Variants in RALGAPA1 observed in about 807,000 individuals in gnomAD.
The protein encoded by RALGAPA1 is Ral GTPase activating protein catalytic subunit alpha 1.
Under a neutral mutation model 269.6 loss-of-function variants are expected in RALGAPA1, and 52 were observed. The ratio of observed to expected loss-of-function variants is 0.19; its 90% CI spans 0.15 to 0.24. The LOEUF (loss-of-function observed/expected upper bound fraction) is 0.24. RALGAPA1 is among the 10% of genes least tolerant of loss of function. The pLI is 1.00. For missense variants in RALGAPA1, 1,917 were observed against 3,013.9 expected, an observed-to-expected ratio of 0.64 and a Z score of 8.52; for synonymous variants, 817 against 1,008.3, an observed-to-expected ratio of 0.81 and a Z score of 3.60.
intron 37 of RALGAPA1, among the ~76,000 whole-genome samples, chr14:35,589,080 A>C (rs1176852147): frequency 2.6e-5 from 4 of 152,240 alleles, no homozygotes. Context: ...GAGTACAGTA[A>C]GTCCTCACAA....
At chr14:35,785,199 A>T (rs2075711974) in intron 1 of RALGAPA1, among the ~76,000 whole-genome samples, 1 of 152,234 alleles carries the variant, frequency 6.6e-6, no homozygotes, top group Non-Finnish European at 1.5e-5. Context: ...AAAGTGGCTA[A>T]AACAAATATA....
rs368596095 is a variant in RALGAPA1 at position 35,742,523 on chromosome 14, C to T, written c.1294G>A (p.Val432Met). 3.4e-5 allele frequency: 55 copies of T among 1,609,116 alleles called. No individual in the cohort carries two copies. Among genetic ancestry groups the T allele is most frequent in the Non-Finnish European group, 4.6e-5 (54 of 1,176,624 alleles). The change falls in exon 11 of 42, where the codon GTG becomes ATG. Residue 432 changes from valine to methionine, a missense_variant. Val to Met is a conservative substitution (Grantham distance 21, BLOSUM62 1). Transcript: ENST00000680220. ...PICEAAAMRKVVKVYQEWIQQ... is the reference protein window; with the variant it reads ...PICEAAAMRKMVKVYQEWIQQ... ...ATCCATTCTTGATATACTTTTACCA[C>T]TTTTCTCATAGCTGCTGCTTCACAA... is the stretch of plus-strand genomic sequence containing the variant.
At chr14:35,680,310 C>A (rs879917313) in intron 21 of RALGAPA1, among the ~76,000 whole-genome samples, 1 of 152,130 alleles carries the variant, frequency 6.6e-6, no homozygotes, top group Non-Finnish European at 1.5e-5. Flanking sequence ...TGGGTTCAAG[C>A]AATTCTCCTG....
intron 27 of RALGAPA1, among the ~76,000 whole-genome samples, chr14:35,663,733 G>A (rs987176761): frequency 1.3e-5 from 2 of 151,866 alleles, no homozygotes; most frequent in African/African-American, 4.8e-5. Context: ...GGGACTACAC[G>A]CGCCCGCCAC....
chr14:35,797,917 G>A (rs1218349545), intron 1 of RALGAPA1, among the ~76,000 whole-genome samples: 3 of 151,142 alleles, frequency 2.0e-5, no homozygotes, highest in Non-Finnish European at 4.4e-5. Flanking sequence ...CTGTTGTCCA[G>A]GCTAGAGTGC....
At chr14:35,675,535 G>T (rs867896609) in intron 22 of RALGAPA1, among the ~76,000 whole-genome samples, 5 of 152,132 alleles carry the variant, frequency 3.3e-5, no homozygotes, top group Non-Finnish European at 7.3e-5. Context: ...ATTGTATTTT[G>T]CCTACGAATA....
intron 39 of RALGAPA1, among the ~76,000 whole-genome samples, chr14:35,552,321 G>A (rs2055100817): frequency 1.3e-5 from 2 of 152,148 alleles, no homozygotes; most frequent in South Asian, 4.1e-4. Flanking sequence ...ATCTGCAATT[G>A]TAATCATCCA....
rs535485419 is a variant in RALGAPA1 at position 35,802,095 on chromosome 14, G to A, written c.106+6635C>T. Among the ~76,000 whole-genome samples, 33 of 152,314 alleles carry A rather than the reference G, an allele frequency of 2.2e-4. 1 individual carries two copies. The highest frequency in any genetic ancestry group is 8.5e-4 in the Admixed American group (13 of 15,292). ...GAGGCCAAGGCAGGTGGCTCACGAG[G>A]TCAGGAGTTCGAGACCAGCCTTATC... On this transcript the variant is annotated intron_variant, in intron 1 of 41. Transcript: ENST00000680220.
At position 35,762,241 on chromosome 14, in the gene RALGAPA1, C is replaced by T. The variant is rs543568067; in HGVS notation, c.369+469G>A. On this transcript the variant is annotated intron_variant, in intron 5 of 41. Coordinates refer to ENST00000680220, the MANE Select transcript of RALGAPA1 (RefSeq NM_001346249.2). ...GAATGGTTTGTCAAACAAACTCTTG[C>T]TACGTTTTTTTTTTGTTTTTGTTTT... 4.0e-5 allele frequency among the ~76,000 whole-genome samples: 6 copies of T among 151,394 alleles called. No individual in the cohort carries two copies. The South Asian group carries it at 1.2e-3, about 31-fold the overall frequency.
At chr14:35,805,178 C>T (rs1392345606) in intron 1 of RALGAPA1, among the ~76,000 whole-genome samples, 1 of 151,522 alleles carries the variant, frequency 6.6e-6, no homozygotes, top group African/African-American at 2.4e-5. Context: ...AATCCCAGCA[C>T]TTTAGGAGGC....
At chr14:35,771,045 T>C in intron 3 of RALGAPA1, 46 bp from the exon 4 acceptor site, 1 of 817,698 alleles carries the variant, frequency 1.2e-6, no homozygotes, top group Non-Finnish European at 2.0e-6. Flanking sequence ...TAAAACCAAG[T>C]AATGAGTTCA....
At chr14:35,724,859 C>G (rs892818998) in intron 14 of RALGAPA1, among the ~76,000 whole-genome samples, 165 bp downstream of exon 14, 14 of 152,068 alleles carry the variant, frequency 9.2e-5, no homozygotes, top group African/African-American at 3.4e-4. Context: ...TAAGTTAGCT[C>G]TACAAAAGAT....
At chr14:35,612,705 A>G (rs901902299) in intron 35 of RALGAPA1, among the ~76,000 whole-genome samples, 1 of 151,798 alleles carries the variant, frequency 6.6e-6, no homozygotes, top group Non-Finnish European at 1.5e-5. Context: ...CGCCCCGCTA[A>G]TTTTTTGTAT....
At chr14:35,795,355 G>C (rs746388867) in intron 1 of RALGAPA1, among the ~76,000 whole-genome samples, 3 of 152,092 alleles carry the variant, frequency 2.0e-5, no homozygotes, top group Non-Finnish European at 4.4e-5. Flanking sequence ...GAATCCAGGA[G>C]ACTAGAGAGG....
intron 16 of RALGAPA1, among the ~76,000 whole-genome samples, chr14:35,717,459 C>A (rs1006223675): frequency 6.6e-6 from 1 of 152,046 alleles, no homozygotes; most frequent in African/African-American, 2.4e-5. Context: ...CTATTCTACA[C>A]CATTTTTAAT....
chr14:35,723,218 G>C lies in RALGAPA1; in HGVS notation c.1913C>G (p.Ser638Cys). 6.2e-7 allele frequency: 1 copy of C among 1,613,432 alleles called. No homozygotes were observed. Among genetic ancestry groups the C allele is most frequent in the Non-Finnish European group, 8.5e-7 (1 of 1,179,494 alleles). Residue 638 changes from serine to cysteine, a missense_variant, in exon 15 of 42, where the codon TCC (serine) becomes TGC (cysteine). Physicochemically the swap from Ser to Cys is moderately radical, Grantham distance 112 (BLOSUM62 -1). Around this residue, in one of 11 missense-constraint regions of RALGAPA1, gnomAD observed 40 missense variants for 112.6 expected, o/e 0.36. Coordinates refer to ENST00000680220, the MANE Select transcript of RALGAPA1 (RefSeq NM_001346249.2). ...WIKANLNVYISRELWDDLLSV... is the reference protein window; with the variant it reads ...WIKANLNVYICRELWDDLLSV... ...CAGTAAGTCATCCCAAAGTTCTCGGGAGATGTACACATTTAGGTTTGCTTT... is the reference window on the plus strand; with the variant it reads ...CAGTAAGTCATCCCAAAGTTCTCGGCAGATGTACACATTTAGGTTTGCTTT...
At position 35,664,676 on chromosome 14, in the gene RALGAPA1, G is replaced by C; in HGVS notation, c.5294C>G (p.Pro1765Arg). Residue 1765 changes from proline to arginine, a missense_variant, in exon 27 of 42, where the codon CCT (proline) becomes CGT (arginine). Physicochemically the swap from Pro to Arg is moderately radical, Grantham distance 103. Transcript: ENST00000680220. ...TGTAAACTGAGACACAGCAACATCA[G>C]GAATGTTGGGATGAAGAGAAGGCAG... is the stretch of plus-strand genomic sequence containing the variant. ...CELPSLHPNIPDVAVSQFTDV... is the reference protein window; with the variant it reads ...CELPSLHPNIRDVAVSQFTDV... 2 of 1,611,384 alleles carry C rather than the reference G, an allele frequency of 1.2e-6. No homozygotes were observed. The highest frequency in any genetic ancestry group is 1.7e-5 in the Admixed American group (1 of 59,728).
intron 1 of RALGAPA1, among the ~76,000 whole-genome samples, chr14:35,791,644 C>T (rs1432673971): frequency 6.6e-6 from 1 of 151,384 alleles, no homozygotes; most frequent in Non-Finnish European, 1.5e-5. Context: ...CGGTGGCTCA[C>T]ACCTGTAATC....
chr14:35,569,019 G>A (rs2056946058), intron 39 of RALGAPA1, among the ~76,000 whole-genome samples: 1 of 152,078 alleles, frequency 6.6e-6, no homozygotes, highest in Non-Finnish European at 1.5e-5. Flanking sequence ...AGTAAGTGAA[G>A]ATATAAATGC....
Sources: allele counts gnomAD v4.1 joint callset (sites outside exome capture counted in the v4.1 genomes callset), GRCh38; gene constraint gnomAD v4.1.1; regional missense constraint gnomAD v4.1.1; transcripts MANE v1.5; gene names NCBI Gene and HGNC (gene_info 2026-07-23, HGNC 2026-07-21).